The following RAI1 variants were observed in gnomAD, a reference collection of about 807,000 sequenced individuals.
RAI1 encodes the protein retinoic acid induced 1.
Under a neutral mutation model 123.8 loss-of-function variants are expected in RAI1, and 9 were observed. The ratio of observed to expected loss-of-function variants is 0.07; its 90% confidence interval spans 0.04 to 0.13. The LOEUF (loss-of-function observed/expected upper bound fraction) is 0.13. Ranked by LOEUF, RAI1 falls within the 10% of genes least tolerant of loss-of-function variation. The probability of loss-of-function intolerance (pLI) is 1.00; values close to 1 mark genes in which losing one functional copy is unlikely to be tolerated. For missense variants in RAI1, 2,256 were observed against 2,545.8 expected (o/e 0.89, Z 2.45); for synonymous variants, 1,231 against 1,127.3 (o/e 1.09, Z -1.84).
chr17:17,683,616 C>A (rs1598008329), intron 1 of RAI1: 1 of 152,378 alleles, frequency 6.6e-6, no homozygotes, highest in Non-Finnish European at 1.5e-5. Flanking sequence ...GTGGACACAT[C>A]ATTCTGATCT....
At position 17,681,679 on chromosome 17, in the gene RAI1, G is replaced by C; in HGVS notation, c.-263G>C. ...GGCGCCGCGGCCCACCCTCCTTCCT[G>C]CCTGGCCGCGGGCCGGCCGGGCCGC... is the stretch of plus-strand genomic sequence containing the variant. On this transcript the variant is annotated 5_prime_UTR_variant, in exon 1 of 6. Transcript: ENST00000353383. The C allele has an allele frequency of 3.7e-6, 1 of 273,938 alleles. No individual in the cohort carries two copies. The highest frequency in any genetic ancestry group is 6.8e-6 in the Non-Finnish European group (1 of 146,738). 17.0% of individuals were successfully genotyped at this position (273,938 alleles called of 1,614,324 possible). A position where few individuals can be genotyped will look rare whatever the true frequency, so the allele number is the denominator to read the frequency against.
At chr17:17,711,168 C>T (rs964697668) in intron 1 of RAI1, among the ~76,000 whole-genome samples, 2 of 152,162 alleles carry the variant, frequency 1.3e-5, no homozygotes, top group Admixed American at 1.3e-4. Flanking sequence ...GATAGGGGAG[C>T]CCTGCATGCA....
At chr17:17,743,953 A>G (rs887523101) in intron 2 of RAI1, among the ~76,000 whole-genome samples, 3 of 152,188 alleles carry the variant, frequency 2.0e-5, no homozygotes, top group Non-Finnish European at 4.4e-5. Flanking sequence ...CTAAAAGGGA[A>G]TGGAGGGGAG....
rs1452184513 is a variant in RAI1 at position 17,810,410 on chromosome 17, G to T, written c.*429G>T. 20 of 236,510 alleles carry T rather than the reference G, an allele frequency of 8.5e-5. No homozygotes were observed. Among genetic ancestry groups the T allele is most frequent in the Non-Finnish European group, 5.0e-5 (6 of 119,000 alleles). The allele number at this position is 236,510 out of a possible 1,614,324, so 14.7% of individuals were successfully genotyped here. The stretch of plus-strand genomic sequence containing the variant: ...TGCCGCCACCCCAGTCGGTCGTGGC[G>T]TGCAGCTGGGAGCCCTGGGCTTGGG... On this transcript the variant is annotated 3_prime_UTR_variant, in exon 6 of 6. Coordinates refer to ENST00000353383, the MANE Select transcript of RAI1 (RefSeq NM_030665.4). This position sits in a 1 kb window ranked among gnomAD's most constrained non-coding sequence, Gnocchi z 4.6.
chr17:17,693,887 G>A (rs1040564039), intron 1 of RAI1, among the ~76,000 whole-genome samples: 4 of 152,170 alleles, frequency 2.6e-5, no homozygotes, highest in East Asian at 1.9e-4. Flanking sequence ...GTGCCACTAC[G>A]TGTGGACAGG....
At chr17:17,785,339 A>G (rs1407031861) in intron 2 of RAI1, among the ~76,000 whole-genome samples, 3 of 152,208 alleles carry the variant, frequency 2.0e-5, no homozygotes, top group Admixed American at 2.0e-4. Context: ...CTCAACACAG[A>G]ACCCAGCACC....
intron 1 of RAI1, among the ~76,000 whole-genome samples, chr17:17,698,490 A>C (rs1443543310): frequency 6.6e-6 from 1 of 151,532 alleles, no homozygotes; most frequent in South Asian, 2.1e-4. Flanking sequence ...CCCTCCCCCC[A>C]CACCCCTTTA....
chr17:17,735,604 G>A (rs996362116), intron 2 of RAI1, among the ~76,000 whole-genome samples: 11 of 152,132 alleles, frequency 7.2e-5, no homozygotes, highest in African/African-American at 2.4e-4. Context: ...TGATCCACCT[G>A]CCTCAGCCTC....
Position 17,752,167 on chromosome 17 carries a change from C to T in RAI1, c.-17+28008C>T, listed in dbSNP as rs367778474. Among the ~76,000 whole-genome samples, 120 of 152,330 alleles carry T rather than the reference C, an allele frequency of 7.9e-4. 3 individuals carry two copies. The South Asian group carries it at 0.024, about 30-fold the overall frequency. On this transcript the variant is annotated intron_variant, in intron 2 of 5. Transcript: ENST00000353383. The stretch of plus-strand genomic sequence containing the variant: ...CAGCGCCCCGCAGGAGCCTCCCGCC[C>T]GGCATACCCACGGGCCAGTGCCGGG...
At chr17:17,802,067 G>A (rs1255685638) in intron 3 of RAI1, 1 of 470,924 alleles carries the variant, frequency 2.1e-6, no homozygotes, top group African/African-American at 2.0e-5. Context: ...TCTGGCGCCT[G>A]GTGACTTCTC....
intron 2 of RAI1, among the ~76,000 whole-genome samples, chr17:17,731,291 G>T (rs368510187): frequency 7.2e-5 from 11 of 152,328 alleles, no homozygotes; most frequent in African/African-American, 2.6e-4. Context: ...TGCTGATGGC[G>T]CCAAGGTTCT....
At chr17:17,756,754 C>T (rs941771219) in intron 2 of RAI1, among the ~76,000 whole-genome samples, 4 of 152,122 alleles carry the variant, frequency 2.6e-5, no homozygotes, top group East Asian at 1.9e-4. Context: ...ACGCTTGAGT[C>T]GGGGGCACTG....
At chr17:17,757,339 A>G (rs2030477873) in intron 2 of RAI1, among the ~76,000 whole-genome samples, 1 of 152,190 alleles carries the variant, frequency 6.6e-6, no homozygotes, top group African/African-American at 2.4e-5. Context: ...AGAGCTCCAG[A>G]TCAGGAGGCA....
intron 1 of RAI1, among the ~76,000 whole-genome samples, chr17:17,721,321 C>A (rs142681648): frequency 1.8e-4 from 28 of 152,266 alleles, no homozygotes; most frequent in Middle Eastern, 3.4e-3. Context: ...GGAATGTATA[C>A]CAGGAACCAT....
At chr17:17,769,177 T>C (rs2031050219) in intron 2 of RAI1, among the ~76,000 whole-genome samples, 1 of 152,336 alleles carries the variant, frequency 6.6e-6, no homozygotes, top group African/African-American at 2.4e-5. Context: ...AGGGAGAAAG[T>C]TGCTGGCGTG....
chr17:17,681,657 G>C lies in RAI1; in HGVS notation c.-285G>C. ...CCTAGCGCCGGCGCGAGGAGGGGGC[G>C]CCGCGGCCCACCCTCCTTCCTGCCT... On this transcript the variant is annotated 5_prime_UTR_variant, in exon 1 of 6. Transcript: ENST00000353383. The C allele has an allele frequency of 8.1e-6, 2 of 246,518 alleles. No individual in the cohort carries two copies. Among genetic ancestry groups the C allele is most frequent in the Non-Finnish European group, 1.5e-5 (2 of 129,856 alleles). 15.3% of individuals were successfully genotyped at this position (246,518 alleles called of 1,614,324 possible).
intron 1 of RAI1, among the ~76,000 whole-genome samples, chr17:17,696,186 A>T (rs1190237925): frequency 6.6e-6 from 1 of 152,222 alleles, no homozygotes; most frequent in East Asian, 1.9e-4. Flanking sequence ...TACTGTCAAC[A>T]TACTTTCTGT....
chr17:17,688,087 TC>T lies in RAI1; in HGVS notation c.-149+6296del, dbSNP rs1181951854. 2.1e-5 allele frequency among the ~76,000 whole-genome samples: 3 copies of T among 141,818 alleles called. No homozygotes were observed. The Admixed American group carries it at 2.1e-4, about 10-fold the overall frequency. The allele number at this position is 141,818 out of a possible 152,430, so 93.0% of individuals were successfully genotyped here. ...TTTTGTCATCTGGAAAGCAAGGAGG[TC>T]CTATAGCTTGGGGCCATAAACAGGC... On this transcript the variant is annotated intron_variant, in intron 1 of 5. Transcript: ENST00000353383.
At chr17:17,692,752 T>C (rs1014729919) in intron 1 of RAI1, among the ~76,000 whole-genome samples, 2 of 152,190 alleles carry the variant, frequency 1.3e-5, no homozygotes, top group Non-Finnish European at 2.9e-5. Flanking sequence ...ACCTCCTCTT[T>C]CCTCATCTAT....
Sources: gnomAD v4.1 joint callset for allele counts (sites outside exome capture counted in the v4.1 genomes callset) on GRCh38, gnomAD v4.1.1 for gene constraint, Gnocchi (gnomAD v3.1) non-coding constraint, MANE v1.5 for transcripts, NCBI Gene and HGNC (gene_info 2026-07-23, HGNC 2026-07-21) for gene names.